LCP1: variants seen among roughly 807,000 people sequenced by gnomAD.
LCP1 encodes the protein lymphocyte cytosolic protein 1.
A neutral mutation model predicts 72.0 loss-of-function variants in LCP1; 23 were observed. The ratio of observed to expected loss-of-function variants is 0.32; its 90% CI spans 0.23 to 0.45. LCP1 has a LOEUF of 0.45. Among genes scored for constraint, LCP1 ranks in the 20% least tolerant of loss-of-function variants. LCP1 has a pLI of 1.00. For synonymous variants in LCP1, 245 were observed against 275.4 expected (o/e 0.89, Z 1.09); for missense variants, 571 against 748.3 (o/e 0.76, Z 2.76).
At chr13:46,159,715 C>T (rs1330173000) in intron 1 of LCP1, 29 bp from the exon 2 acceptor site, 3 of 1,370,138 alleles carry the variant, frequency 2.2e-6, no homozygotes, top group South Asian at 1.2e-5. Flanking sequence ...TAAGGGATAA[C>T]TTTTGTGCAT....
intron 4 of LCP1, 109 bp from the exon 5 acceptor site, chr13:46,156,679 A>C: frequency 8.5e-7 from 1 of 1,171,546 alleles, no homozygotes. Flanking sequence ...ATGTGAGTTT[A>C]TTCAGTCCAT....
intron 2 of LCP1, 73 bp downstream of exon 2, chr13:46,159,526 T>A (rs1407670737): frequency 8.0e-7 from 1 of 1,249,950 alleles, no homozygotes; most frequent in East Asian, 2.3e-5. Flanking sequence ...CATGTTCCCA[T>A]TTCATTGAAT....
chr13:46,130,677 A>G (rs1463350840), intron 15 of LCP1, 137 bp downstream of exon 15: 5 of 1,042,278 alleles, frequency 4.8e-6, no homozygotes, highest in Non-Finnish European at 7.0e-6. Flanking sequence ...ATGAGACTGC[A>G]GAAAGTCATG....
intron 11 of LCP1, 95 bp downstream of exon 11, chr13:46,144,347 T>G: frequency 1.0e-6 from 1 of 956,878 alleles, no homozygotes; most frequent in Non-Finnish European, 1.6e-6. Flanking sequence ...TATGCACATT[T>G]TGTGAAGAGA....
Position 46,158,996 on chromosome 13 carries a change from T to G in LCP1, c.65-7A>C. On this transcript the variant is annotated splice_region_variant and splice_polypyrimidine_tract_variant and intron_variant, in intron 2 of 15. Transcript: ENST00000323076. ...TATCCATTGCCATCAGTATCTGTAA[T>G]GTACACAATATACTGAAGCTTCAGG... 4.3e-6 allele frequency: 7 copies of G among 1,613,838 alleles called. No individual in the cohort carries two copies. The highest frequency in any genetic ancestry group is 5.9e-6 in the Non-Finnish European group (7 of 1,179,916).
chr13:46,163,588 C>T (rs1473159253), intron 1 of LCP1, among the ~76,000 whole-genome samples: 1 of 150,890 alleles, frequency 6.6e-6, no homozygotes, highest in African/African-American at 2.5e-5. Flanking sequence ...TGTCCTGTGA[C>T]CCTGCCAAAT....
rs74074019 is a variant in LCP1 at position 46,167,522 on chromosome 13, T to C, written c.-24-7836A>G. On this transcript the variant is annotated intron_variant, in intron 1 of 15. Transcript: ENST00000323076. Reference sequence around the variant, plus strand: ...GGAGGCCTTTCTGTGCCTTAGCATCTCTCTCCTTCCCTGAGCTTTAGACAG... The same window carrying C: ...GGAGGCCTTTCTGTGCCTTAGCATCCCTCTCCTTCCCTGAGCTTTAGACAG... Among the ~76,000 whole-genome samples the C allele has an allele frequency of 9.9e-3, 1,504 of 152,264 alleles. 29 individuals are homozygous for C. The highest frequency in any genetic ancestry group is 0.033 in the African/African-American group (1,381 of 41,546).
At chr13:46,138,963 A>C (rs1302526073) in intron 13 of LCP1, among the ~76,000 whole-genome samples, 1 of 152,174 alleles carries the variant, frequency 6.6e-6, no homozygotes, top group Non-Finnish European at 1.5e-5. Flanking sequence ...CTTTTTAATC[A>C]TTAAAATAGC....
chr13:46,152,675 G>A (rs549094043), intron 7 of LCP1, 105 bp downstream of exon 7: 2 of 1,108,244 alleles, frequency 1.8e-6, no homozygotes, highest in South Asian at 3.1e-5. Context: ...ATATAACTGT[G>A]TAGTTTTCAA....
At chr13:46,130,440 T>C (rs2045626754) in intron 15 of LCP1, among the ~76,000 whole-genome samples, 1 of 152,226 alleles carries the variant, frequency 6.6e-6, no homozygotes, top group Non-Finnish European at 1.5e-5. Flanking sequence ...GACAGTGGCT[T>C]TCACACTGGC....
At chr13:46,128,081 A>G (rs2045610743) in intron 15 of LCP1, among the ~76,000 whole-genome samples, 1 of 150,492 alleles carries the variant, frequency 6.6e-6, no homozygotes, top group African/African-American at 2.4e-5. Flanking sequence ...CCTCAAGAGA[A>G]GCTCTTGCCT....
chr13:46,160,140 T>G (rs1207994494), intron 1 of LCP1, among the ~76,000 whole-genome samples: 1 of 152,232 alleles, frequency 6.6e-6, no homozygotes, highest in Non-Finnish European at 1.5e-5. Context: ...GAAGGAGAAC[T>G]GGGTGCACTG....
chr13:46,151,248 CT>C (rs774703888), intron 7 of LCP1, among the ~76,000 whole-genome samples, 170 bp from the exon 8 acceptor site: 65 of 152,174 alleles, frequency 4.3e-4, no homozygotes, highest in Non-Finnish European at 6.6e-4. Flanking sequence ...TTATTATTCC[CT>C]AAAAAGAGGC....
intron 13 of LCP1, among the ~76,000 whole-genome samples, chr13:46,138,261 C>T (rs551742641): frequency 6.6e-6 from 1 of 152,160 alleles, no homozygotes; most frequent in Non-Finnish European, 1.5e-5. Flanking sequence ...GATAAATGAC[C>T]AAATTAGCAC....
chr13:46,146,437 T>C (rs1369935516), intron 10 of LCP1, among the ~76,000 whole-genome samples: 3 of 152,290 alleles, frequency 2.0e-5, no homozygotes, highest in South Asian at 2.1e-4. Context: ...AAAATACAAC[T>C]GTTAGGGATT....
chr13:46,181,354 C>A lies in LCP1; in HGVS notation c.-25+757G>T, dbSNP rs1346902846. Reference sequence around the variant, plus strand: ...TTCTGAAATAAATATCCCATATCAACTGTGTAAAAATTTCTATTGTAGATA... The same window carrying A: ...TTCTGAAATAAATATCCCATATCAAATGTGTAAAAATTTCTATTGTAGATA... On this transcript the variant is annotated intron_variant, in intron 1 of 15. Coordinates refer to ENST00000323076, the MANE Select transcript of LCP1 (RefSeq NM_002298.5). Among the ~76,000 whole-genome samples, 5 of 152,204 alleles carry A rather than the reference C, an allele frequency of 3.3e-5. No individual in the cohort carries two copies. In the East Asian group the frequency reaches 9.6e-4, roughly 29 times the overall value.
At chr13:46,156,811 G>GTTTCT (rs200587146) in intron 4 of LCP1, among the ~76,000 whole-genome samples, 2 of 149,734 alleles carry the variant, frequency 1.3e-5, no homozygotes, top group Admixed American at 6.6e-5. Flanking sequence ...CTATCTCTCT[G>GTTTCT]TTTCTTTTCT....
chr13:46,164,236 A>G (rs1177977736), intron 1 of LCP1, among the ~76,000 whole-genome samples: 1 of 152,248 alleles, frequency 6.6e-6, no homozygotes, highest in Non-Finnish European at 1.5e-5. Context: ...ACAAGACTAC[A>G]TTCTAAGTGT....
At chr13:46,133,944 T>C (rs946903017) in intron 14 of LCP1, among the ~76,000 whole-genome samples, 183 bp downstream of exon 14, 5 of 152,172 alleles carry the variant, frequency 3.3e-5, no homozygotes, top group Non-Finnish European at 7.3e-5. Context: ...GGAGAAAGTA[T>C]TGAGAAATTC....
Sources: gnomAD v4.1 joint callset for allele counts (sites outside exome capture counted in the v4.1 genomes callset) on GRCh38, gnomAD v4.1.1 for gene constraint, MANE v1.5 for transcripts, NCBI Gene and HGNC (gene_info 2026-07-23, HGNC 2026-07-21) for gene names.